Variants in ZNF730 observed in about 807,000 individuals in gnomAD.
ZNF730 encodes the protein zinc finger protein 730.
ZNF730 carries 12 observed loss-of-function variants against 12.6 expected under a neutral mutation model. The ratio of observed to expected loss-of-function variants is 0.95; its 90% CI spans 0.61 to 1.54. The LOEUF is 1.54. Ranked by LOEUF, ZNF730 falls within the 40% of genes most tolerant of loss-of-function variation. ZNF730 has a pLI of 0.00. For synonymous variants in ZNF730, 194 were observed against 195.8 expected (o/e 0.99, Z 0.08); for missense variants, 643 against 583.5 (o/e 1.10, Z -1.05).
intron 1 of ZNF730, among the ~76,000 whole-genome samples, chr19:23,085,836 CTTTTTTTTTTTTTT>C (rs556123915): frequency 9.1e-5 from 5 of 54,806 alleles, no homozygotes; most frequent in African/African-American, 2.5e-4. Flanking sequence ...ATTTTTTTTT[CTTTTTTTTTTTTTT>C]TTTTTTTTTT....
chr19:23,146,396 C>T lies in ZNF730; in HGVS notation c.1352C>T (p.Pro451Leu), dbSNP rs1172024830. The T allele has an allele frequency of 1.2e-6, 2 of 1,613,054 alleles. No individual in the cohort carries two copies. The highest frequency in any genetic ancestry group is 1.7e-6 in the Non-Finnish European group (2 of 1,179,802). ...THKRIHTGEK[P>L]YECEECGKAF... is the part of the protein sequence containing the mutation. Reference sequence around the variant, plus strand: ...AAAAGAATTCATACTGGAGAGAAACCCTATGAATGTGAAGAATGTGGCAAA... The same window carrying T: ...AAAAGAATTCATACTGGAGAGAAACTCTATGAATGTGAAGAATGTGGCAAA... Residue 451 changes from proline to leucine, a missense_variant, in exon 4 of 4, where the codon CCC becomes CTC. Physicochemically the swap from Pro to Leu is moderately conservative, Grantham distance 98. Transcript: ENST00000597761.
At chr19:23,116,299 T>TTTTTCTTTTCTTTTCTTTTC (rs565630328), upstream of ZNF730, among the ~76,000 whole-genome samples, 12,082 of 148,932 alleles carry the variant, frequency 0.081, 556 homozygotes, top group Non-Finnish European at 0.09. Flanking sequence ...GTTATTCTGC[T>TTTTTCTTTTCTTTTCTTTTC]TTTTCTTTTC....
chr19:23,079,452 C>T (rs898318651), intron 1 of ZNF730, among the ~76,000 whole-genome samples: 7 of 152,276 alleles, frequency 4.6e-5, no homozygotes, highest in Middle Eastern at 3.4e-3. Context: ...CCACCGCGCC[C>T]GGCCTATTGC....
rs377512114 is a variant in ZNF730, at chr19:23,117,027, C to G, written c.-147C>G. On this transcript the variant is annotated 5_prime_UTR_variant, in exon 1 of 4. Transcript: ENST00000597761. ...GGCGGCTTCCGGGATTTGGCGCGGC[C>G]TTTGTTTCTCGCTGCCGCCGAAGCT... The G allele has an allele frequency of 1.6e-6, 2 of 1,225,668 alleles. No homozygotes were observed. Among genetic ancestry groups the G allele is most frequent in the Non-Finnish European group, 2.1e-6 (2 of 936,044 alleles). 75.9% of individuals were successfully genotyped at this position (1,225,668 alleles called of 1,614,324 possible). A position where few individuals can be genotyped will look rare whatever the true frequency, so the allele number is the denominator to read the frequency against.
intron 1 of ZNF730, among the ~76,000 whole-genome samples, chr19:23,093,658 G>C (rs1235812486): frequency 6.6e-6 from 1 of 152,180 alleles, no homozygotes; most frequent in African/African-American, 2.4e-5. Context: ...TCCATCCCAG[G>C]TAAGGCCCTG....
At position 23,142,553 on chromosome 19, in the gene ZNF730, T is replaced by G. The variant is rs576001771; in HGVS notation, c.227-2718T>G. 9.1e-4 allele frequency among the ~76,000 whole-genome samples: 139 copies of G among 151,928 alleles called. 1 individual carries two copies. Among genetic ancestry groups the G allele is most frequent in the African/African-American group, 3.3e-3 (136 of 41,416 alleles). ...AAAAACAAAAATTAGCCGGGTATGG[T>G]GGCGGGCGCCTGTAGTCCCAGCTAC... On this transcript the variant is annotated intron_variant, in intron 3 of 3. Transcript: ENST00000597761.
At chr19:23,108,627 T>A (rs1970423686) in intron 1 of ZNF730, among the ~76,000 whole-genome samples, 1 of 152,228 alleles carries the variant, frequency 6.6e-6, no homozygotes, top group African/African-American at 2.4e-5. Context: ...GGTACAGTAG[T>A]TTTAGTAAGT....
At chr19:23,125,240 C>G (rs1182554701) in intron 1 of ZNF730, among the ~76,000 whole-genome samples, 1 of 152,010 alleles carries the variant, frequency 6.6e-6, no homozygotes, top group Non-Finnish European at 1.5e-5. Flanking sequence ...CAGACTAATA[C>G]AAAAAATTGT....
Position 23,145,650 on chromosome 19 carries a change from A to C in ZNF730, c.606A>C (p.Lys202Asn). Residue 202 changes from lysine (K) to asparagine (N), a missense_variant, in exon 4 of 4, where the codon AAA (lysine) becomes AAC (asparagine). Lys to Asn is a moderately conservative substitution (Grantham distance 94). Coordinates refer to ENST00000597761, the MANE Select transcript of ZNF730 (RefSeq NM_001277403.2). Reference sequence around the variant, plus strand: ...TTCATACTGGAGAGAAATCCTACAAATGTGAAGAATATGGCAAAGCCTTTA... The same window carrying C: ...TTCATACTGGAGAGAAATCCTACAACTGTGAAGAATATGGCAAAGCCTTTA... ...KKIHTGEKSY[K>N]CEEYGKAFNE... The C allele has an allele frequency of 6.4e-7, 1 of 1,554,676 alleles. No individual in the cohort carries two copies. The highest frequency in any genetic ancestry group is 1.2e-5 in the South Asian group (1 of 83,582).
At chr19:23,107,529 A>G (rs1970410280) in intron 1 of ZNF730, among the ~76,000 whole-genome samples, 1 of 145,496 alleles carries the variant, frequency 6.9e-6, no homozygotes, top group Non-Finnish European at 1.5e-5. Flanking sequence ...GGGTCTCACC[A>G]TGTTGCCCAA....
chr19:23,095,118 G>A (rs993116097), intron 1 of ZNF730: 34 of 358,012 alleles, frequency 9.5e-5, no homozygotes, highest in Admixed American at 6.1e-4. Flanking sequence ...CCAACTCACA[G>A]AAGGGATTGT....
At chr19:23,098,074 G>A (rs554919471) in intron 1 of ZNF730, among the ~76,000 whole-genome samples, 1 of 152,130 alleles carries the variant, frequency 6.6e-6, no homozygotes, top group South Asian at 2.1e-4. Flanking sequence ...AACCCAAGAA[G>A]TGGAGGTTGT....
intron 1 of ZNF730, among the ~76,000 whole-genome samples, chr19:23,103,468 A>C (rs1057435): frequency 0.56 from 85,729 of 152,004 alleles, 26,350 homozygotes; most frequent in South Asian, 0.73. Context: ...TCATTGTAAC[A>C]AAATAAATAA....
At chr19:23,097,759 A>G (rs1970276956) in intron 1 of ZNF730, among the ~76,000 whole-genome samples, 1 of 152,116 alleles carries the variant, frequency 6.6e-6, no homozygotes, top group Admixed American at 6.6e-5. Flanking sequence ...AGTTTTACCC[A>G]GCCCCTAGGT....
chr19:23,128,172 T>C (rs1369328020), intron 1 of ZNF730: 4 of 856,608 alleles, frequency 4.7e-6, no homozygotes, highest in African/African-American at 1.6e-5. Context: ...GAGCAGTAGA[T>C]GGAGGCTTGT....
chr19:23,145,636 G>C lies in ZNF730; in HGVS notation c.592G>C (p.Glu198Gln), dbSNP rs758023458. The C allele has an allele frequency of 5.8e-6, 9 of 1,552,286 alleles. No individual in the cohort carries two copies. The Admixed American group carries it at 1.8e-4, about 31-fold the overall frequency. Residue 198 changes from glutamate (E) to glutamine (Q), a missense_variant, in exon 4 of 4, where the codon GAG (glutamate) becomes CAG (glutamine). By Grantham distance (29) the Glu-to-Gln change is conservative. Transcript: ENST00000597761. ...TCAACATAAAAAAATTCATACTGGA[G>C]AGAAATCCTACAAATGTGAAGAATA... ...LAQHKKIHTG[E>Q]KSYKCEEYGK...
intron 1 of ZNF730, chr19:23,128,356 A>G (rs1224180732): frequency 1.1e-5 from 6 of 531,992 alleles, no homozygotes; most frequent in Non-Finnish European, 2.1e-5. Flanking sequence ...CATAAACAAA[A>G]GCGTAACTCC....
At chr19:23,141,852 G>C (rs1296637907) in intron 3 of ZNF730, among the ~76,000 whole-genome samples, 4 of 151,956 alleles carry the variant, frequency 2.6e-5, no homozygotes, top group Admixed American at 6.6e-5. Context: ...ACCTTTGTTA[G>C]GAATAATTGT....
At chr19:23,130,459 G>A (rs757848358) in intron 1 of ZNF730, among the ~76,000 whole-genome samples, 6 of 152,082 alleles carry the variant, frequency 3.9e-5, no homozygotes, top group Non-Finnish European at 8.8e-5. Flanking sequence ...CTGAATAAAG[G>A]TTGAATTATG....
Sources: allele counts gnomAD v4.1 joint callset (sites outside exome capture counted in the v4.1 genomes callset), GRCh38; gene constraint gnomAD v4.1.1; transcripts MANE v1.5; gene names NCBI Gene and HGNC (gene_info 2026-07-23, HGNC 2026-07-21).